The following GALNTL6 variants were observed in gnomAD, a reference collection of about 807,000 sequenced individuals.
GALNTL6 encodes the protein polypeptide N-acetylgalactosaminyltransferase like 6, also known as polypeptide N-acetylgalactosaminyltransferase-like 6.
Under a neutral mutation model 73.7 loss-of-function variants are expected in GALNTL6, and 46 were observed. The ratio of observed to expected loss-of-function variants is 0.62; its 90% CI spans 0.49 to 0.80. GALNTL6 has a LOEUF of 0.80. Among genes scored for constraint, GALNTL6 ranks in the 30% least tolerant of loss-of-function variants. The pLI is 0.00. For synonymous variants in GALNTL6, 259 were observed against 263.7 expected, an observed-to-expected ratio of 0.98 and a Z score of 0.17; for missense variants, 604 against 755.0, an observed-to-expected ratio of 0.80 and a Z score of 2.34.
intron 2 of GALNTL6, among the ~76,000 whole-genome samples, chr4:171,908,245 A>T (rs1737355675): frequency 1.3e-5 from 2 of 152,174 alleles, no homozygotes; most frequent in East Asian, 3.9e-4. Context: ...CAAACTACTC[A>T]TCTGACAAAG....
chr4:172,164,924 T>C (rs1017313158), intron 2 of GALNTL6, among the ~76,000 whole-genome samples: 1 of 152,130 alleles, frequency 6.6e-6, no homozygotes, highest in African/African-American at 2.4e-5. Context: ...ACATGACTTA[T>C]ATTGAGCTTC....
chr4:172,200,371 C>T (rs1035053753), intron 2 of GALNTL6, among the ~76,000 whole-genome samples: 16 of 152,242 alleles, frequency 1.1e-4, no homozygotes, highest in South Asian at 2.1e-4. Context: ...TAAGGAAATT[C>T]GATTACCTTG....
intron 5 of GALNTL6, among the ~76,000 whole-genome samples, chr4:172,554,964 G>T (rs1399664734): frequency 1.3e-5 from 2 of 152,152 alleles, no homozygotes; most frequent in Non-Finnish European, 2.9e-5. Flanking sequence ...CCAACAAGTT[G>T]TTAAAAATAG....
At chr4:172,563,578 A>T (rs1395497980) in intron 5 of GALNTL6, among the ~76,000 whole-genome samples, 1 of 152,236 alleles carries the variant, frequency 6.6e-6, no homozygotes, top group Non-Finnish European at 1.5e-5. Flanking sequence ...AGCATGTGCA[A>T]TGCATTTGAT....
At chr4:172,994,810 C>A (rs1404934499) in intron 10 of GALNTL6, among the ~76,000 whole-genome samples, 1 of 152,170 alleles carries the variant, frequency 6.6e-6, no homozygotes, top group Non-Finnish European at 1.5e-5. Context: ...TGCTGCCATC[C>A]TGTCCAGGGC....
At chr4:172,367,496 G>A (rs577778615) in intron 5 of GALNTL6, among the ~76,000 whole-genome samples, 6 of 152,052 alleles carry the variant, frequency 3.9e-5, no homozygotes, top group Middle Eastern at 3.4e-3. Flanking sequence ...ATAACTCCAC[G>A]TAGCCAAGAA....
At chr4:172,623,750 A>G (rs1739052661) in intron 5 of GALNTL6, among the ~76,000 whole-genome samples, 1 of 151,994 alleles carries the variant, frequency 6.6e-6, no homozygotes, top group Non-Finnish European at 1.5e-5. Flanking sequence ...GTCCATTCAG[A>G]TAGCCTTTTT....
At chr4:172,180,204 G>T (rs765203205) in intron 2 of GALNTL6, among the ~76,000 whole-genome samples, 6 of 152,142 alleles carry the variant, frequency 3.9e-5, no homozygotes, top group Admixed American at 2.0e-4. Context: ...CAATGATGAT[G>T]AGCTTTTTTT....
At chr4:171,817,828 G>T (rs916531562) in intron 2 of GALNTL6, among the ~76,000 whole-genome samples, 9 of 151,344 alleles carry the variant, frequency 5.9e-5, no homozygotes, top group African/African-American at 1.4e-4. Context: ...TTTATGGTTT[G>T]GGATCTGCAA....
intron 7 of GALNTL6, among the ~76,000 whole-genome samples, chr4:172,862,524 C>T (rs777417842): frequency 2.0e-5 from 3 of 152,048 alleles, no homozygotes; most frequent in Non-Finnish European, 2.9e-5. Flanking sequence ...TGGTGAAAAC[C>T]TCATCTCTAT....
chr4:171,926,922 C>T (rs756289240), intron 2 of GALNTL6, among the ~76,000 whole-genome samples: 7 of 151,944 alleles, frequency 4.6e-5, no homozygotes, highest in Non-Finnish European at 1.0e-4. Flanking sequence ...TTGTTTATGA[C>T]ATTTTGATGT....
intron 5 of GALNTL6, among the ~76,000 whole-genome samples, chr4:172,416,048 C>T (rs915604882): frequency 6.6e-6 from 1 of 152,100 alleles, no homozygotes; most frequent in Non-Finnish European, 1.5e-5. Context: ...GTGGTCTCCT[C>T]CCTTAGCCAC....
In GALNTL6 at chr4:172,430,151, G is replaced by A. The variant is rs549336867; in HGVS notation, c.553+81462G>A. On this transcript the variant is annotated intron_variant, in intron 5 of 12. Transcript: ENST00000506823. ...ATATTAAAGCTAGTTGACCATAAAA[G>A]TTATCATTTTATGAAGCTAGTTCTT... is the stretch of plus-strand genomic sequence containing the variant. Among the ~76,000 whole-genome samples, 4 of 151,956 alleles carry A rather than the reference G, an allele frequency of 2.6e-5. No individual in the cohort carries two copies. In the South Asian group the frequency reaches 8.3e-4, roughly 31 times the overall value.
chr4:172,812,099 C>T (rs1708055766), intron 6 of GALNTL6, among the ~76,000 whole-genome samples: 1 of 151,962 alleles, frequency 6.6e-6, no homozygotes, highest in African/African-American at 2.4e-5. Flanking sequence ...GATGGAAAGG[C>T]ATATAGACCG....
intron 2 of GALNTL6, among the ~76,000 whole-genome samples, chr4:171,887,949 A>G (rs1314391589): frequency 6.6e-6 from 1 of 152,206 alleles, no homozygotes; most frequent in Admixed American, 6.5e-5. Context: ...TTGGTGTATG[A>G]CATGTATTTC....
At chr4:171,814,877 T>C in intron 2 of GALNTL6, 159 bp downstream of exon 2, 1 of 663,884 alleles carries the variant, frequency 1.5e-6, no homozygotes, top group African/African-American at 1.8e-5. Context: ...TTTAAGCAAG[T>C]AGATGTTTTA....
chr4:172,117,143 A>C (rs1733005265), intron 2 of GALNTL6, among the ~76,000 whole-genome samples: 1 of 152,204 alleles, frequency 6.6e-6, no homozygotes, highest in African/African-American at 2.4e-5. Flanking sequence ...GAGCAAAAAC[A>C]ACGTAATAAA....
intron 5 of GALNTL6, among the ~76,000 whole-genome samples, chr4:172,636,432 AG>A (rs760178251): frequency 3.3e-5 from 5 of 152,182 alleles, no homozygotes; most frequent in Non-Finnish European, 5.9e-5. Flanking sequence ...GATTTAGTTA[AG>A]GATCTTCAGA....
chr4:172,717,541 G>A (rs1735180863), intron 5 of GALNTL6, among the ~76,000 whole-genome samples: 1 of 152,262 alleles, frequency 6.6e-6, no homozygotes, highest in Non-Finnish European at 1.5e-5. Flanking sequence ...GCGGGGAAAA[G>A]GAATGCCTAT....
Sources: gnomAD v4.1 joint callset for allele counts (sites outside exome capture counted in the v4.1 genomes callset) on GRCh38, gnomAD v4.1.1 for gene constraint, MANE v1.5 for transcripts, NCBI Gene and HGNC (gene_info 2026-07-23, HGNC 2026-07-21) for gene names.